The following CFAP44 variants were observed in gnomAD, a reference collection of about 807,000 sequenced individuals.
CFAP44 encodes cilia- and flagella-associated protein 44.
A neutral mutation model predicts 216.2 loss-of-function variants in CFAP44; 134 were observed. The observed-to-expected ratio is 0.62, with a 90% confidence interval of 0.54 to 0.72. The LOEUF (loss-of-function observed/expected upper bound fraction) is 0.72. Ranked by LOEUF, CFAP44 falls within the 30% of genes least tolerant of loss-of-function variation. The pLI is 0.00. For synonymous variants in CFAP44, 700 were observed against 727.6 expected (o/e 0.96, Z 0.61); for missense variants, 2,035 against 2,182.1 (o/e 0.93, Z 1.34).
chr3:113,331,637 G>C (rs556691838), intron 25 of CFAP44, among the ~76,000 whole-genome samples: 1 of 152,092 alleles, frequency 6.6e-6, no homozygotes, highest in Non-Finnish European at 1.5e-5. Context: ...ACAACCACCT[G>C]TGAAGTGTCT....
intron 9 of CFAP44, 64 bp from the exon 10 acceptor site, chr3:113,401,803 C>A: frequency 1.4e-6 from 2 of 1,479,594 alleles, no homozygotes; most frequent in Non-Finnish European, 9.1e-7. Context: ...TTTTCTAAGC[C>A]AGAAAAACCC....
At chr3:113,390,983 G>GA (rs1171078072) in intron 15 of CFAP44, among the ~76,000 whole-genome samples, 1 of 151,712 alleles carries the variant, frequency 6.6e-6, no homozygotes. Context: ...CATACACATA[G>GA]AAAAAAAATC....
intron 24 of CFAP44, 85 bp downstream of exon 24, chr3:113,341,659 G>A: frequency 7.9e-7 from 1 of 1,258,190 alleles, no homozygotes. Flanking sequence ...TGATAACAAT[G>A]TCAATAAATA....
chr3:113,431,532 G>C (rs1386072765), intron 2 of CFAP44, among the ~76,000 whole-genome samples: 2 of 152,094 alleles, frequency 1.3e-5, no homozygotes, highest in Admixed American at 6.6e-5. Context: ...GAAAAACTAG[G>C]GGGGAACAAA....
rs371387557 is a variant in CFAP44, at chr3:113,373,689, TATG to T, written c.2299-136_2299-134del. 5.2e-4 allele frequency: 369 copies of T among 710,510 alleles called. 2 individuals carry two copies. In the African/African-American group the frequency reaches 5.4e-3, roughly 10 times the overall value. 44.0% of individuals were successfully genotyped at this position (710,510 alleles called of 1,614,324 possible). On this transcript the variant is annotated intron_variant, in intron 17 of 34. Transcript: ENST00000393845. ...CAAACATCTACTTCTACATAATTTC[TATG>T]ATTATAGATTTATTATTTCTATAAA...
chr3:113,375,486 C>T (rs1339935708), intron 17 of CFAP44, among the ~76,000 whole-genome samples: 1 of 152,054 alleles, frequency 6.6e-6, no homozygotes, highest in African/African-American at 2.4e-5. Context: ...ATGTAAGATA[C>T]ATACGGAACA....
chr3:113,323,815 C>T (rs939022904), intron 28 of CFAP44, among the ~76,000 whole-genome samples: 8 of 151,894 alleles, frequency 5.3e-5, no homozygotes, highest in African/African-American at 1.5e-4. Context: ...AGGCCAAGGC[C>T]GGTGGAACAC....
chr3:113,395,933 G>T (rs1463641), intron 14 of CFAP44, 73 bp from the exon 15 acceptor site: 71,279 of 1,067,694 alleles, frequency 0.067, 2,910 homozygotes, highest in East Asian at 0.17. Context: ...AAAAAAGCAT[G>T]TAATAACATA....
In CFAP44 at chr3:113,327,617, T is replaced by TG; in HGVS notation, c.4318dup (p.Gln1440ProfsTer6). ...TAGGATTCTTCTGCCCACTCATACT[T>TG]GCATGTACTGTTCCTCTTTGTCTAA... is the stretch of plus-strand genomic sequence containing the variant. On this transcript the variant is annotated frameshift_variant and splice_region_variant, in exon 27 of 35. Transcript: ENST00000393845. LOFTEE classifies it high-confidence loss of function. 2 of 1,536,568 alleles carry TG rather than the reference T, an allele frequency of 1.3e-6. No homozygotes were observed. Among genetic ancestry groups the TG allele is most frequent in the Non-Finnish European group, 1.7e-6 (2 of 1,146,396 alleles).
At chr3:113,323,319 T>C (rs1372433234) in intron 28 of CFAP44, among the ~76,000 whole-genome samples, 1 of 152,106 alleles carries the variant, frequency 6.6e-6, no homozygotes, top group African/African-American at 2.4e-5. Flanking sequence ...TGCAGCAACA[T>C]GGATGGAGCT....
At chr3:113,292,223 C>A (rs896223450) in intron 34 of CFAP44, among the ~76,000 whole-genome samples, 5 of 152,148 alleles carry the variant, frequency 3.3e-5, no homozygotes, top group Middle Eastern at 3.2e-3. Flanking sequence ...TTTATCGAAA[C>A]ATCCATTATA....
At position 113,363,514 on chromosome 3, in the gene CFAP44, GC is replaced by G. The variant is rs1950561139; in HGVS notation, c.2733del (p.Glu911AspfsTer27). On this transcript the variant is annotated frameshift_variant, in exon 20 of 35. Transcript: ENST00000393845. LOFTEE classifies it high-confidence loss of function. ...GGATCTTCAATGTCTTCTGGAATTG[GC>G]TCTGTTTCAATTCCAAACTATAGGA... ...VPSPRFGIET[E>X]PIPEDIEDPK... is the part of the protein sequence containing the mutation. 1 of 1,609,542 alleles carries G rather than the reference GC, an allele frequency of 6.2e-7. No individual in the cohort carries two copies. The highest frequency in any genetic ancestry group is 1.3e-5 in the African/African-American group (1 of 74,948).
Position 113,427,289 on chromosome 3 carries a change from A to C in CFAP44, c.151T>G (p.Phe51Val). Residue 51 changes from phenylalanine to valine, a missense_variant, in exon 3 of 35, where the codon TTT becomes GTT. This residue lies in a region of CFAP44 where 149 missense variants were observed against 141.8 expected (regional missense o/e 1.05). Transcript: ENST00000393845. ...AAATATGATCCTTCCCCTTTGGTAA[A>C]TGTTTCATCTGTGTCATCTTCTAAA... ...TFLEDDTDET[F>V]TKGEGSYLEE... 4 of 1,613,066 alleles carry C rather than the reference A, an allele frequency of 2.5e-6. No homozygotes were observed. The highest frequency in any genetic ancestry group is 1.7e-4 in the Middle Eastern group (1 of 6,060).
chr3:113,401,336 G>C (rs1261641267), intron 10 of CFAP44, 49 bp from the exon 11 acceptor site: 1 of 1,500,536 alleles, frequency 6.7e-7, no homozygotes, highest in Non-Finnish European at 9.0e-7. Context: ...ACTTTCATCA[G>C]ATTTTTTAAA....
At position 113,291,575 on chromosome 3, in the gene CFAP44, T is replaced by C. The variant is rs980275599; in HGVS notation, c.5547A>G (p.Ile1849Met). 3 of 1,537,248 alleles carry C rather than the reference T, an allele frequency of 2.0e-6. No homozygotes were observed. The South Asian group carries it at 3.6e-5, about 18-fold the overall frequency. The change falls in exon 35 of 35, where the codon ATA (isoleucine) becomes ATG (methionine). Residue 1849 changes from isoleucine to methionine, a missense_variant. Physicochemically the swap from Ile to Met is conservative, Grantham distance 10. This residue lies in a region of CFAP44 where 1,883 missense variants were observed against 2,023.7 expected (regional missense o/e 0.93). Coordinates refer to ENST00000393845, the MANE Select transcript of CFAP44 (RefSeq NM_001164496.2). ...AGCAAACTCAAAGGTCTGCGGGCTGTATCTCTTTCTCTCGTGGAGACTGAA... is the reference window on the plus strand; with the variant it reads ...AGCAAACTCAAAGGTCTGCGGGCTGCATCTCTTTCTCTCGTGGAGACTGAA... ...PPIQSPREKE[I>M]QPADL
rs1199068087 is a variant in CFAP44 at position 113,371,502 on chromosome 3, G to C, written c.2444+1909C>G. ...GGAAAGGATTCCCTATTTAATAAATGGTTCTGGGAAAACTGGCTAGCCATA... is the reference window on the plus strand; with the variant it reads ...GGAAAGGATTCCCTATTTAATAAATCGTTCTGGGAAAACTGGCTAGCCATA... On this transcript the variant is annotated intron_variant, in intron 18 of 34. Coordinates refer to ENST00000393845, the MANE Select transcript of CFAP44 (RefSeq NM_001164496.2). Among the ~76,000 whole-genome samples the C allele has an allele frequency of 3.3e-5, 5 of 152,264 alleles. No individual in the cohort carries two copies. In the East Asian group the frequency reaches 9.6e-4, roughly 29 times the overall value.
chr3:113,423,716 C>A (rs925984876), intron 4 of CFAP44, among the ~76,000 whole-genome samples: 1 of 152,178 alleles, frequency 6.6e-6, no homozygotes, highest in African/African-American at 2.4e-5. Context: ...ATAAATGGCA[C>A]ATTTCTTGCT....
At chr3:113,301,530 A>G (rs902395880) in intron 32 of CFAP44, among the ~76,000 whole-genome samples, 1 of 152,182 alleles carries the variant, frequency 6.6e-6, no homozygotes, top group Non-Finnish European at 1.5e-5. Context: ...ATTTTAAAAG[A>G]TAATTATCTT....
At chr3:113,314,925 G>T (rs549246954) in intron 28 of CFAP44, among the ~76,000 whole-genome samples, 1 of 152,066 alleles carries the variant, frequency 6.6e-6, no homozygotes, top group South Asian at 2.1e-4. Context: ...AACTTAAACA[G>T]TTATACGAAG....
Sources: gnomAD v4.1 joint callset for allele counts (sites outside exome capture counted in the v4.1 genomes callset) on GRCh38, gnomAD v4.1.1 for gene constraint, gnomAD v4.1.1 regional missense constraint, MANE v1.5 for transcripts, NCBI Gene and HGNC (gene_info 2026-07-23, HGNC 2026-07-21) for gene names.